HPGDS: variants seen among roughly 807,000 people sequenced by gnomAD.
HPGDS encodes the protein hematopoietic prostaglandin D synthase.
A neutral mutation model predicts 23.1 loss-of-function variants in HPGDS; 26 were observed. That is an observed-to-expected ratio of 1.13 (90% CI 0.83 to 1.56). HPGDS has a LOEUF of 1.56. HPGDS is among the 40% of genes most tolerant of loss of function. The probability of loss-of-function intolerance (pLI) is 0.00; values close to 1 mark genes in which losing one functional copy is unlikely to be tolerated. For missense variants in HPGDS, 268 were observed against 236.4 expected, an observed-to-expected ratio of 1.13 and a Z score of -0.88; for synonymous variants, 95 against 77.9, an observed-to-expected ratio of 1.22 and a Z score of -1.16.
At chr4:94,337,735 T>A (rs569617878) in intron 1 of HPGDS, among the ~76,000 whole-genome samples, 1 of 152,310 alleles carries the variant, frequency 6.6e-6, no homozygotes, top group African/African-American at 2.4e-5. Context: ...TCTCATTCAG[T>A]CAATTACCAC....
intron 3 of HPGDS, among the ~76,000 whole-genome samples, chr4:94,313,497 T>C (rs370283739): frequency 6.6e-6 from 1 of 152,246 alleles, no homozygotes; most frequent in Non-Finnish European, 1.5e-5. Context: ...GAGTTTCTGC[T>C]GAGAGATCAG....
chr4:94,328,107 T>C (rs1756672363), intron 2 of HPGDS, among the ~76,000 whole-genome samples: 1 of 152,206 alleles, frequency 6.6e-6, no homozygotes, highest in South Asian at 2.1e-4. Context: ...GCGGAGTAAA[T>C]GTGGACCACT....
chr4:94,340,360 A>C (rs1262259720), intron 1 of HPGDS, among the ~76,000 whole-genome samples: 1 of 27,386 alleles, frequency 3.7e-5, no homozygotes, highest in African/African-American at 8.6e-5. Context: ...TTTTTTTGAG[A>C]CGGAGTCTCT....
chr4:94,332,725 AT>A (rs1756756195), intron 2 of HPGDS, among the ~76,000 whole-genome samples: 1 of 152,224 alleles, frequency 6.6e-6, no homozygotes, highest in African/African-American at 2.4e-5. Context: ...TTTCTAGTCA[AT>A]CCTATGTCAG....
chr4:94,316,866 A>T (rs1031317777), intron 3 of HPGDS, among the ~76,000 whole-genome samples: 2 of 152,238 alleles, frequency 1.3e-5, no homozygotes. Flanking sequence ...TTTGAAAAGC[A>T]CTGCCCAGGT....
At chr4:94,325,774 C>T (rs1162320493) in intron 2 of HPGDS, among the ~76,000 whole-genome samples, 2 of 152,138 alleles carry the variant, frequency 1.3e-5, no homozygotes, top group African/African-American at 4.8e-5. Flanking sequence ...TTCAGCTTGC[C>T]CTCCGTGGGC....
At chr4:94,333,537 G>A (rs1375644314) in intron 2 of HPGDS, among the ~76,000 whole-genome samples, 6 of 152,196 alleles carry the variant, frequency 3.9e-5, no homozygotes, top group Non-Finnish European at 8.8e-5. Flanking sequence ...GGGGTTTTGT[G>A]TAAATGAAAT....
At chr4:94,322,599 G>C (rs1034684674) in intron 2 of HPGDS, among the ~76,000 whole-genome samples, 1 of 151,518 alleles carries the variant, frequency 6.6e-6, no homozygotes, top group African/African-American at 2.4e-5. Context: ...CTGTGGGATC[G>C]GTGGTGATAT....
chr4:94,338,145 C>T (rs373056365), intron 1 of HPGDS, among the ~76,000 whole-genome samples: 358 of 152,178 alleles, frequency 2.4e-3, no homozygotes, highest in African/African-American at 8.3e-3. Flanking sequence ...AAAATCAGGC[C>T]GGGTGCAGTG....
chr4:94,311,397 T>C (rs1260022597), intron 3 of HPGDS, among the ~76,000 whole-genome samples: 47 of 151,470 alleles, frequency 3.1e-4, no homozygotes, highest in Non-Finnish European at 4.3e-4. Context: ...GAGATAATCA[T>C]GTGGTTTTTT....
At chr4:94,311,495 A>T (rs1232685666) in intron 3 of HPGDS, among the ~76,000 whole-genome samples, 6 of 151,264 alleles carry the variant, frequency 4.0e-5, no homozygotes, top group Non-Finnish European at 7.4e-5. Flanking sequence ...AGCCCACTTG[A>T]TCATGGTGGA....
rs1431526012 is a variant in HPGDS, at chr4:94,312,922, G to T, written c.227-4179C>A. 5.3e-5 allele frequency among the ~76,000 whole-genome samples: 8 copies of T among 151,868 alleles called. No homozygotes were observed. The East Asian group carries it at 9.7e-4, about 18-fold the overall frequency. On this transcript the variant is annotated intron_variant, in intron 3 of 5. Coordinates refer to ENST00000295256, the MANE Select transcript of HPGDS (RefSeq NM_014485.3). ...TCTTTGTCTCTTTTGATCTTTGTTG[G>T]TTTAAAGTCTGTTTTATCAGAGACT...
intron 2 of HPGDS, chr4:94,334,281 C>G (rs1487888152): frequency 2.5e-6 from 1 of 407,852 alleles, no homozygotes; most frequent in Non-Finnish European, 4.3e-6. Flanking sequence ...AAGCTTTATA[C>G]TGGTTTACCT....
chr4:94,308,410 GA>G (rs1191843318), intron 4 of HPGDS, among the ~76,000 whole-genome samples: 1 of 152,064 alleles, frequency 6.6e-6, no homozygotes, highest in African/African-American at 2.4e-5. Flanking sequence ...AAATCCTAAA[GA>G]AACTGCTAAA....
intron 3 of HPGDS, among the ~76,000 whole-genome samples, chr4:94,311,549 A>G (rs948718968): frequency 6.6e-6 from 1 of 151,324 alleles, no homozygotes; most frequent in Non-Finnish European, 1.5e-5. Context: ...CCAGTATTTT[A>G]TTGAGGATTT....
chr4:94,321,718 A>G (rs1374904306), intron 2 of HPGDS, among the ~76,000 whole-genome samples: 1 of 152,196 alleles, frequency 6.6e-6, no homozygotes, highest in Admixed American at 6.5e-5. Flanking sequence ...AACAGGGACA[A>G]TTTGACTTCC....
intron 1 of HPGDS, among the ~76,000 whole-genome samples, chr4:94,337,192 G>C (rs1721038447): frequency 6.6e-6 from 1 of 151,868 alleles, no homozygotes; most frequent in South Asian, 2.1e-4. Context: ...TCTCAGATTG[G>C]TCTCCCAACC....
At chr4:94,311,686 T>C (rs1756275720) in intron 3 of HPGDS, among the ~76,000 whole-genome samples, 1 of 151,504 alleles carries the variant, frequency 6.6e-6, no homozygotes, top group Non-Finnish European at 1.5e-5. Flanking sequence ...TCTTTTTCTA[T>C]TGATTGGAAT....
chr4:94,313,410 T>A lies in HPGDS; in HGVS notation c.226+4463A>T, dbSNP rs1452313149. Among the ~76,000 whole-genome samples, 9 of 152,342 alleles carry A rather than the reference T, an allele frequency of 5.9e-5. No individual in the cohort carries two copies. The South Asian group carries it at 1.0e-3, about 18-fold the overall frequency. ...CTTCACTTATGAAGCTTAGTTTGGC[T>A]GGATATGAAATTCTGGGTTGAAAAT... is the stretch of plus-strand genomic sequence containing the variant. On this transcript the variant is annotated intron_variant, in intron 3 of 5. Coordinates refer to ENST00000295256, the MANE Select transcript of HPGDS (RefSeq NM_014485.3).
Sources: gnomAD v4.1 joint callset for allele counts (sites outside exome capture counted in the v4.1 genomes callset) on GRCh38, gnomAD v4.1.1 for gene constraint, MANE v1.5 for transcripts, NCBI Gene and HGNC (gene_info 2026-07-23, HGNC 2026-07-21) for gene names.